Variants in DPP10 observed in about 807,000 individuals in gnomAD.
DPP10 encodes the protein dipeptidyl peptidase like 10, also known as inactive dipeptidyl peptidase 10.
A neutral mutation model predicts 120.9 loss-of-function variants in DPP10; 33 were observed. The ratio of observed to expected loss-of-function variants is 0.27; its 90% CI spans 0.21 to 0.37. The LOEUF (loss-of-function observed/expected upper bound fraction) is 0.37. DPP10 is among the 10% of genes least tolerant of loss of function. The pLI is 1.00. For synonymous variants in DPP10, 337 were observed against 326.1 expected, an observed-to-expected ratio of 1.03 and a Z score of -0.36; for missense variants, 816 against 942.8, an observed-to-expected ratio of 0.87 and a Z score of 1.76.
chr2:115,361,090 A>G (rs1366357785), intron 3 of DPP10, among the ~76,000 whole-genome samples: 1 of 152,060 alleles, frequency 6.6e-6, no homozygotes, highest in Non-Finnish European at 1.5e-5. Flanking sequence ...GAGCTCCCTC[A>G]GGCAGAGGCT....
chr2:114,520,858 G>A (rs1684987664), intron 1 of DPP10, among the ~76,000 whole-genome samples: 1 of 152,154 alleles, frequency 6.6e-6, no homozygotes, highest in Admixed American at 6.5e-5. Context: ...AAGCTTAGCA[G>A]AACCAAATAC....
intron 1 of DPP10, among the ~76,000 whole-genome samples, chr2:114,899,760 A>G (rs1341423304): frequency 6.6e-6 from 1 of 152,156 alleles, no homozygotes. Flanking sequence ...GATCGAGACC[A>G]TCCTGGCTAA....
intron 5 of DPP10, among the ~76,000 whole-genome samples, chr2:115,628,027 GGTTCTAGAAATGCCATT>G: frequency 9.0e-6 from 1 of 111,352 alleles, no homozygotes; most frequent in African/African-American, 5.4e-5. Context: ...TGGCATTTCT[GGTTCTAGAAATGCCATT>G]TCTGGTTCTA....
chr2:114,457,818 G>A (rs925853330), intron 1 of DPP10, among the ~76,000 whole-genome samples: 2 of 152,138 alleles, frequency 1.3e-5, no homozygotes, highest in African/African-American at 4.8e-5. Flanking sequence ...TCCTATCCCT[G>A]CTCCTGTCTT....
At chr2:115,138,921 G>C (rs1016644615) in intron 1 of DPP10, among the ~76,000 whole-genome samples, 1 of 151,954 alleles carries the variant, frequency 6.6e-6, no homozygotes, top group Non-Finnish European at 1.5e-5. Context: ...GCTTACACCT[G>C]GGCAAAATGT....
intron 1 of DPP10, among the ~76,000 whole-genome samples, chr2:115,047,192 C>T (rs938128950): frequency 6.6e-6 from 1 of 151,970 alleles, no homozygotes; most frequent in Non-Finnish European, 1.5e-5. Flanking sequence ...ATTAGAAATA[C>T]GCTGAATAAA....
At chr2:114,879,953 A>G (rs1349774380) in intron 1 of DPP10, among the ~76,000 whole-genome samples, 1 of 152,182 alleles carries the variant, frequency 6.6e-6, no homozygotes, top group Non-Finnish European at 1.5e-5. Context: ...ATGATTGTAC[A>G]TAATGGGATT....
At chr2:115,685,114 G>A (rs2090911573) in intron 5 of DPP10, among the ~76,000 whole-genome samples, 1 of 151,934 alleles carries the variant, frequency 6.6e-6, no homozygotes, top group Admixed American at 6.6e-5. Flanking sequence ...CTTATTTTAT[G>A]AAGTATGAAT....
chr2:115,259,777 T>C lies in DPP10; in HGVS notation c.61-49462T>C, dbSNP rs2105740242. 2.6e-5 allele frequency among the ~76,000 whole-genome samples: 4 copies of C among 152,238 alleles called. No individual in the cohort carries two copies. The Middle Eastern group carries it at 0.01, about 388-fold the overall frequency. On this transcript the variant is annotated intron_variant, in intron 1 of 25. Transcript: ENST00000410059. ...TCATGACATATTTGTATTGAATGAA[T>C]GATGATATTAAAAATACACATATGC...
intron 1 of DPP10, among the ~76,000 whole-genome samples, chr2:114,458,080 T>C (rs1424870761): frequency 1.3e-5 from 2 of 152,114 alleles, no homozygotes; most frequent in Admixed American, 1.3e-4. Flanking sequence ...AGAGACTGAC[T>C]CAAAAAGACC....
intron 1 of DPP10, among the ~76,000 whole-genome samples, chr2:114,630,268 C>T (rs746897123): frequency 5.3e-5 from 8 of 152,052 alleles, no homozygotes; most frequent in Non-Finnish European, 2.9e-5. Context: ...ACTTACTGGT[C>T]GTGACCTCTT....
intron 4 of DPP10, among the ~76,000 whole-genome samples, chr2:115,513,586 T>C (rs2077346938): frequency 6.6e-6 from 1 of 152,018 alleles, no homozygotes; most frequent in African/African-American, 2.4e-5. Flanking sequence ...ACTAGCATCT[T>C]AATTTAGAAA....
At chr2:114,991,752 G>C (rs556239641) in intron 1 of DPP10, among the ~76,000 whole-genome samples, 7 of 152,300 alleles carry the variant, frequency 4.6e-5, no homozygotes, top group Admixed American at 2.6e-4. Context: ...ACCATTTTGA[G>C]AGCTTTTTGG....
chr2:115,842,312 T>C lies in DPP10; in HGVS notation c.2358T>C (p.Ser786=). The change falls in exon 26 of 26, where the codon TCT becomes TCC. Residue 786 remains serine, a synonymous_variant. Coordinates refer to ENST00000410059, the MANE Select transcript of DPP10 (RefSeq NM_020868.6). Reference sequence around the variant, plus strand: ...GTGATTGTTTGAAGGAAGAAATATCTGTGCTACCACAGGAACCAGAAGAAG... The same window carrying C: ...GTGATTGTTTGAAGGAAGAAATATCCGTGCTACCACAGGAACCAGAAGAAG... ...FFSDCLKEEI[S]VLPQEPEEDE is the part of the protein sequence containing the mutation. 1 of 1,613,976 alleles carries C rather than the reference T, an allele frequency of 6.2e-7. No homozygotes were observed. Among genetic ancestry groups the C allele is most frequent in the Non-Finnish European group, 8.5e-7 (1 of 1,179,912 alleles).
At chr2:114,912,649 C>G (rs1449709236) in intron 1 of DPP10, among the ~76,000 whole-genome samples, 1 of 152,024 alleles carries the variant, frequency 6.6e-6, no homozygotes, top group Non-Finnish European at 1.5e-5. Flanking sequence ...GGGGCTGAAG[C>G]AGGAGGAAGC....
intron 1 of DPP10, among the ~76,000 whole-genome samples, chr2:114,903,888 T>A (rs1693779366): frequency 6.6e-6 from 1 of 152,242 alleles, no homozygotes; most frequent in Non-Finnish European, 1.5e-5. Flanking sequence ...AGTCTCAGAA[T>A]GAAATCTGCC....
chr2:114,455,455 G>C (rs566040589), intron 1 of DPP10, among the ~76,000 whole-genome samples: 79 of 151,826 alleles, frequency 5.2e-4, no homozygotes, highest in African/African-American at 1.8e-3. Context: ...TGAGGCAGGA[G>C]AATCGCCTGA....
chr2:114,859,314 G>A (rs1689624256), intron 1 of DPP10, among the ~76,000 whole-genome samples: 1 of 150,392 alleles, frequency 6.6e-6, no homozygotes. Flanking sequence ...CTAGCAGCGA[G>A]CCAAGATCGT....
At chr2:115,806,660 C>T (rs1218029651) in intron 19 of DPP10, among the ~76,000 whole-genome samples, 1 of 152,186 alleles carries the variant, frequency 6.6e-6, no homozygotes, top group Non-Finnish European at 1.5e-5. Context: ...CCATTGCACA[C>T]ATATGTATCC....
Sources: allele counts gnomAD v4.1 joint callset (sites outside exome capture counted in the v4.1 genomes callset), GRCh38; gene constraint gnomAD v4.1.1; transcripts MANE v1.5; gene names NCBI Gene and HGNC (gene_info 2026-07-23, HGNC 2026-07-21).